GFRA1: variants seen among roughly 807,000 people sequenced by gnomAD.
The protein encoded by GFRA1 is GDNF family receptor alpha 1.
A neutral mutation model predicts 51.6 loss-of-function variants in GFRA1; 16 were observed. The ratio of observed to expected loss-of-function variants is 0.31; its 90% confidence interval spans 0.21 to 0.47. The LOEUF is 0.47. GFRA1 is among the 20% of genes least tolerant of loss of function. The probability of loss-of-function intolerance (pLI) is 1.00; values close to 1 mark genes in which losing one functional copy is unlikely to be tolerated. For synonymous variants in GFRA1, 270 were observed against 241.3 expected (o/e 1.12, Z -1.10); for missense variants, 530 against 594.3 (o/e 0.89, Z 1.13).
chr10:116,243,488 G>GC (rs1163542956), intron 4 of GFRA1, among the ~76,000 whole-genome samples: 1 of 131,368 alleles, frequency 7.6e-6, no homozygotes, highest in Non-Finnish European at 1.6e-5. Flanking sequence ...CCCCAACCCT[G>GC]CCCCCCAAAA....
At chr10:116,259,906 C>A (rs77239694) in intron 4 of GFRA1, among the ~76,000 whole-genome samples, 1 of 152,096 alleles carries the variant, frequency 6.6e-6, no homozygotes, top group African/African-American at 2.4e-5. Flanking sequence ...ACCAGAAGAA[C>A]GTAAGTCTGT....
rs138725596 is a variant in GFRA1, at chr10:116,272,833, G to A, written c.-247+330C>T. On this transcript the variant is annotated intron_variant, in intron 1 of 10. Coordinates refer to ENST00000355422, the MANE Select transcript of GFRA1 (RefSeq NM_005264.8). This position sits in a 1 kb window ranked among gnomAD's most constrained non-coding sequence, Gnocchi z 4.4. Reference sequence around the variant, plus strand: ...CAGGGGGAACCGATGTCCCGACTGGGGCTGAAACCCGGTTCCTGCGCCCCT... The same window carrying A: ...CAGGGGGAACCGATGTCCCGACTGGAGCTGAAACCCGGTTCCTGCGCCCCT... 6.5e-3 allele frequency: 988 copies of A among 152,430 alleles called. 4 individuals carry two copies. The highest frequency in any genetic ancestry group is 0.024 in the Middle Eastern group (7 of 294). 9.4% of individuals were successfully genotyped at this position (152,430 alleles called of 1,614,324 possible).
At chr10:116,195,533 T>A (rs1217073963) in intron 5 of GFRA1, among the ~76,000 whole-genome samples, 1 of 152,230 alleles carries the variant, frequency 6.6e-6, no homozygotes, top group African/African-American at 2.4e-5. Flanking sequence ...ATAATCGGGT[T>A]CATGCTCTTA....
chr10:116,159,083 G>C (rs1226415255), intron 5 of GFRA1, among the ~76,000 whole-genome samples: 1 of 152,178 alleles, frequency 6.6e-6, no homozygotes, highest in African/African-American at 2.4e-5. Context: ...CATGCATCCT[G>C]GCTATATTCA....
At chr10:116,122,211 C>A (rs1426936959) in intron 6 of GFRA1, among the ~76,000 whole-genome samples, 1 of 152,180 alleles carries the variant, frequency 6.6e-6, no homozygotes, top group Non-Finnish European at 1.5e-5. Flanking sequence ...CCTAAACAGC[C>A]TCTGAGCTTC....
At chr10:116,245,181 A>C (rs2134658642) in intron 4 of GFRA1, among the ~76,000 whole-genome samples, 1 of 152,364 alleles carries the variant, frequency 6.6e-6, no homozygotes, top group African/African-American at 2.4e-5. Context: ...CATATCTGAA[A>C]ATGAGTTTGT....
At chr10:116,140,380 C>T (rs1023069755) in intron 5 of GFRA1, among the ~76,000 whole-genome samples, 1 of 152,178 alleles carries the variant, frequency 6.6e-6, no homozygotes, top group Admixed American at 6.5e-5. Flanking sequence ...GGAAATCCAT[C>T]CCTTAGAATC....
intron 4 of GFRA1, among the ~76,000 whole-genome samples, chr10:116,255,968 T>C (rs1019257649): frequency 6.6e-6 from 1 of 152,120 alleles, no homozygotes; most frequent in Non-Finnish European, 1.5e-5. Context: ...TCCTGTTTCA[T>C]GCTAATATAT....
intron 5 of GFRA1, among the ~76,000 whole-genome samples, chr10:116,198,805 TC>T (rs1354625382): frequency 6.6e-6 from 1 of 152,204 alleles, no homozygotes; most frequent in Non-Finnish European, 1.5e-5. Flanking sequence ...AATAATTCTT[TC>T]CCAAAATTCT....
chr10:116,064,354 G>A lies in GFRA1; in HGVS notation c.*44C>T. 6.4e-7 allele frequency: 1 copy of A among 1,566,512 alleles called. No homozygotes were observed. Among genetic ancestry groups the A allele is most frequent in the Non-Finnish European group, 8.8e-7 (1 of 1,140,756 alleles). ...AAGAGAACAGGAAACAGATAACTTG[G>A]TTTTTGTCTTTTTACATGTCCATAT... is the stretch of plus-strand genomic sequence containing the variant. On this transcript the variant is annotated 3_prime_UTR_variant, in exon 11 of 11. Transcript: ENST00000355422.
At chr10:116,217,173 G>A (rs546199347) in intron 4 of GFRA1, among the ~76,000 whole-genome samples, 7 of 152,282 alleles carry the variant, frequency 4.6e-5, no homozygotes, top group South Asian at 2.1e-4. Flanking sequence ...GACAGGATGC[G>A]TCCTTATATG....
intron 5 of GFRA1, among the ~76,000 whole-genome samples, chr10:116,170,716 T>G (rs1206434657): frequency 6.6e-6 from 1 of 152,142 alleles, no homozygotes; most frequent in Admixed American, 6.5e-5. Context: ...TCTTAATAAA[T>G]CAAATAAAAT....
At chr10:116,127,578 A>C (rs1223560961) in intron 5 of GFRA1, among the ~76,000 whole-genome samples, 2 of 152,176 alleles carry the variant, frequency 1.3e-5, no homozygotes, top group Non-Finnish European at 2.9e-5. Flanking sequence ...TCCCGGCTTT[A>C]ACAAGCACAC....
At chr10:116,148,904 A>T (rs1288503541) in intron 5 of GFRA1, among the ~76,000 whole-genome samples, 1 of 152,196 alleles carries the variant, frequency 6.6e-6, no homozygotes, top group Admixed American at 6.5e-5. Flanking sequence ...TTTTAACTTG[A>T]TTCAAATTAA....
intron 8 of GFRA1, among the ~76,000 whole-genome samples, chr10:116,091,268 T>C (rs992159707): frequency 6.6e-6 from 1 of 152,232 alleles, no homozygotes; most frequent in African/African-American, 2.4e-5. Flanking sequence ...GGCACTGAAC[T>C]ATGCATGGGG....
chr10:116,170,186 C>T (rs936559818), intron 5 of GFRA1, among the ~76,000 whole-genome samples: 1 of 152,202 alleles, frequency 6.6e-6, no homozygotes, highest in African/African-American at 2.4e-5. Context: ...AAGAGACTCA[C>T]CACCATGGTT....
intron 8 of GFRA1, among the ~76,000 whole-genome samples, chr10:116,091,621 A>C (rs2530344): frequency 0.59 from 90,011 of 152,122 alleles, 27,175 homozygotes; most frequent in Non-Finnish European, 0.65. Flanking sequence ...CCAAACTAGA[A>C]ATAAACAATT....
At chr10:116,247,153 G>T (rs1314441264) in intron 4 of GFRA1, among the ~76,000 whole-genome samples, 3 of 151,982 alleles carry the variant, frequency 2.0e-5, no homozygotes, top group Non-Finnish European at 4.4e-5. Flanking sequence ...TCAGAAAATG[G>T]CACTGTCATT....
intron 4 of GFRA1, among the ~76,000 whole-genome samples, chr10:116,252,538 A>G (rs1331736549): frequency 6.6e-6 from 1 of 152,134 alleles, no homozygotes; most frequent in Non-Finnish European, 1.5e-5. Context: ...AAACCAGGCT[A>G]TCAATGGTCA....
Sources: allele counts gnomAD v4.1 joint callset (sites outside exome capture counted in the v4.1 genomes callset), GRCh38; gene constraint gnomAD v4.1.1; non-coding constraint Gnocchi (gnomAD v3.1); transcripts MANE v1.5; gene names NCBI Gene and HGNC (gene_info 2026-07-23, HGNC 2026-07-21).